Variants in GRID1 observed in about 807,000 individuals in gnomAD.
The protein encoded by GRID1 is glutamate ionotropic receptor delta type subunit 1.
Under a neutral mutation model 98.0 loss-of-function variants are expected in GRID1, and 28 were observed. That is an observed-to-expected ratio of 0.29 (90% CI 0.21 to 0.39). The LOEUF (loss-of-function observed/expected upper bound fraction) is 0.39, where lower values mean the gene tolerates loss of function less well. GRID1 is among the 10% of genes least tolerant of loss of function. The probability of loss-of-function intolerance (pLI) is 1.00; values close to 1 mark genes in which losing one functional copy is unlikely to be tolerated. For missense variants in GRID1, 1,111 were observed against 1,340.5 expected, an observed-to-expected ratio of 0.83 and a Z score of 2.67; for synonymous variants, 553 against 538.5, an observed-to-expected ratio of 1.03 and a Z score of -0.37.
At chr10:86,273,724 T>C (rs1394178241) in intron 2 of GRID1, among the ~76,000 whole-genome samples, 2 of 152,318 alleles carry the variant, frequency 1.3e-5, no homozygotes, top group East Asian at 3.9e-4. Flanking sequence ...TTGAGAAGTG[T>C]CTGTTCATAT....
At chr10:86,241,521 G>A (rs1174422015) in intron 2 of GRID1, among the ~76,000 whole-genome samples, 1 of 152,242 alleles carries the variant, frequency 6.6e-6, no homozygotes, top group African/African-American at 2.4e-5. Flanking sequence ...TCTGGGCCAT[G>A]CTCCCCTTAA....
intron 8 of GRID1, among the ~76,000 whole-genome samples, chr10:85,840,568 G>T (rs1248851730): frequency 2.6e-5 from 4 of 152,150 alleles, no homozygotes; most frequent in African/African-American, 9.7e-5. Context: ...CAGATGATAT[G>T]ATCCTATATT....
intron 6 of GRID1, among the ~76,000 whole-genome samples, chr10:85,861,686 G>A (rs1843165194): frequency 6.6e-6 from 1 of 152,232 alleles, no homozygotes; most frequent in African/African-American, 2.4e-5. Context: ...TCTGCAATGA[G>A]ATCAGCGAGG....
intron 15 of GRID1, among the ~76,000 whole-genome samples, chr10:85,604,170 A>G (rs1410713225): frequency 6.6e-6 from 1 of 152,082 alleles, no homozygotes; most frequent in East Asian, 1.9e-4. Flanking sequence ...CCTTGCCTCA[A>G]TGTCCCCTGG....
At chr10:85,644,561 C>A (rs1843162421) in intron 13 of GRID1, among the ~76,000 whole-genome samples, 1 of 152,162 alleles carries the variant, frequency 6.6e-6, no homozygotes, top group African/African-American at 2.4e-5. Flanking sequence ...TCATTGTAGA[C>A]AACATCTTTC....
rs756100735 is a variant in GRID1 at position 86,206,695 on chromosome 10, G to C, written c.236-47C>G. ...AGGAAGGGGTCAGCATCAGGGCGAT[G>C]CTGCACCAGCTTCAACCTGCAGGCC... On this transcript the variant is annotated intron_variant, in intron 2 of 15. Coordinates refer to ENST00000327946, the MANE Select transcript of GRID1 (RefSeq NM_017551.3). This position sits in a 1 kb window ranked among gnomAD's most constrained non-coding sequence, Gnocchi z 4.1. 1 of 1,545,280 alleles carries C rather than the reference G, an allele frequency of 6.5e-7. No individual in the cohort carries two copies. The highest frequency in any genetic ancestry group is 1.2e-5 in the South Asian group (1 of 83,410).
chr10:86,366,277 C>G lies in GRID1; in HGVS notation c.79+37G>C. 1 of 1,439,018 alleles carries G rather than the reference C, an allele frequency of 6.9e-7. No individual in the cohort carries two copies. Among genetic ancestry groups the G allele is most frequent in the South Asian group, 1.3e-5 (1 of 78,146 alleles). 89.1% of individuals were successfully genotyped at this position (1,439,018 alleles called of 1,614,324 possible). Reference sequence around the variant, plus strand: ...GCGCACCCCCTGCCCCGTTGGGGCCCCCGCCCAGCCTCGGCCCGGCCTCCA... The same window carrying G: ...GCGCACCCCCTGCCCCGTTGGGGCCGCCGCCCAGCCTCGGCCCGGCCTCCA... On this transcript the variant is annotated intron_variant, in intron 1 of 15. Transcript: ENST00000327946. The surrounding 1 kb of genome is among the most constrained non-coding windows in gnomAD (Gnocchi z 4.1).
chr10:86,350,204 G>A (rs1240728930), intron 2 of GRID1, among the ~76,000 whole-genome samples: 1 of 152,230 alleles, frequency 6.6e-6, no homozygotes, highest in Non-Finnish European at 1.5e-5. Context: ...ACACAGGTAA[G>A]TTCAGCTTTT....
At chr10:86,129,144 A>T (rs550170842) in intron 4 of GRID1, among the ~76,000 whole-genome samples, 1 of 152,312 alleles carries the variant, frequency 6.6e-6, no homozygotes, top group East Asian at 1.9e-4. Flanking sequence ...ATGGAGACAC[A>T]GAGGCAGCCA....
At chr10:85,614,199 TA>T (rs1262793569) in intron 14 of GRID1, among the ~76,000 whole-genome samples, 1 of 152,134 alleles carries the variant, frequency 6.6e-6, no homozygotes, top group Non-Finnish European at 1.5e-5. Flanking sequence ...TCACTGACCC[TA>T]AAAAAATTAG....
At chr10:85,674,713 G>GTT (rs796827862) in intron 12 of GRID1, among the ~76,000 whole-genome samples, 2,666 of 145,304 alleles carry the variant, frequency 0.018, 77 homozygotes, top group African/African-American at 0.062. Context: ...AAAATTGCAG[G>GTT]TTTTTTTTTT....
intron 2 of GRID1, among the ~76,000 whole-genome samples, chr10:86,307,093 A>G (rs1847768462): frequency 6.6e-6 from 1 of 152,166 alleles, no homozygotes; most frequent in South Asian, 2.1e-4. Context: ...TGGTAAGAAT[A>G]TAAGTTGGTA....
chr10:85,786,352 G>C (rs1187440045), intron 8 of GRID1, among the ~76,000 whole-genome samples: 1 of 152,210 alleles, frequency 6.6e-6, no homozygotes, highest in Non-Finnish European at 1.5e-5. Flanking sequence ...AAAAGGGTTT[G>C]TAGCAGCTGC....
chr10:86,264,319 T>G (rs918332687), intron 2 of GRID1, among the ~76,000 whole-genome samples: 8 of 152,238 alleles, frequency 5.3e-5, no homozygotes, highest in African/African-American at 1.9e-4. Context: ...CAACATTTCC[T>G]TGGCCCGGAA....
chr10:85,862,763 T>C (rs1843175919), intron 6 of GRID1, among the ~76,000 whole-genome samples: 1 of 152,212 alleles, frequency 6.6e-6, no homozygotes, highest in African/African-American at 2.4e-5. Flanking sequence ...GAATTTCTAT[T>C]ACATCAGTGA....
At chr10:85,889,480 C>T (rs1326473325) in intron 5 of GRID1, among the ~76,000 whole-genome samples, 6 of 152,136 alleles carry the variant, frequency 3.9e-5, no homozygotes, top group African/African-American at 1.4e-4. Flanking sequence ...TAATGTCTCC[C>T]AGGTTCATAA....
intron 13 of GRID1, among the ~76,000 whole-genome samples, chr10:85,636,694 A>C (rs897828905): frequency 2.0e-5 from 3 of 152,220 alleles, no homozygotes; most frequent in African/African-American, 7.2e-5. Context: ...GAAAAATACT[A>C]ATTTATTTTT....
chr10:85,969,578 A>C (rs980781741), intron 4 of GRID1, among the ~76,000 whole-genome samples: 1 of 152,188 alleles, frequency 6.6e-6, no homozygotes, highest in Non-Finnish European at 1.5e-5. Flanking sequence ...ATTAGACCAC[A>C]AACCCCTCAA....
intron 4 of GRID1, among the ~76,000 whole-genome samples, chr10:85,965,713 C>T (rs7071490): frequency 0.013 from 1,960 of 152,070 alleles, 42 homozygotes; most frequent in African/African-American, 0.045. Context: ...TGCAGCAAAC[C>T]ACAATGGTAC....
Sources: gnomAD v4.1 joint callset for allele counts (sites outside exome capture counted in the v4.1 genomes callset) on GRCh38, gnomAD v4.1.1 for gene constraint, Gnocchi (gnomAD v3.1) non-coding constraint, MANE v1.5 for transcripts, NCBI Gene and HGNC (gene_info 2026-07-23, HGNC 2026-07-21) for gene names.